The following RABGEF1 variants were observed in gnomAD, a reference collection of about 807,000 sequenced individuals.
RABGEF1 encodes the protein rab5 GDP/GTP exchange factor.
Under a neutral mutation model 57.3 loss-of-function variants are expected in RABGEF1, and 26 were observed. The observed-to-expected ratio is 0.45, with a 90% CI of 0.33 to 0.63. The LOEUF (loss-of-function observed/expected upper bound fraction) is 0.63, where lower values mean the gene tolerates loss of function less well. Among genes scored for constraint, RABGEF1 ranks in the 20% least tolerant of loss-of-function variants. The probability of loss-of-function intolerance (pLI) is 0.02; values close to 1 mark genes in which losing one functional copy is unlikely to be tolerated. For missense variants in RABGEF1, 464 were observed against 607.6 expected (o/e 0.76, Z 2.48); for synonymous variants, 185 against 210.7 (o/e 0.88, Z 1.06).
At chr7:66,715,749 G>GC (rs1247896625) in intron 2 of RABGEF1, among the ~76,000 whole-genome samples, 1 of 151,878 alleles carries the variant, frequency 6.6e-6, no homozygotes, top group Non-Finnish European at 1.5e-5. Context: ...TGTTCTATAT[G>GC]CTTTTTTTTT....
intron 1 of RABGEF1, among the ~76,000 whole-genome samples, chr7:66,686,538 A>G (rs1790665285): frequency 6.6e-6 from 1 of 152,208 alleles, no homozygotes; most frequent in Non-Finnish European, 1.5e-5. Flanking sequence ...CACTTTTATC[A>G]TAGAGCACTG....
intron 4 of RABGEF1, among the ~76,000 whole-genome samples, chr7:66,795,041 G>A (rs1813684584): frequency 6.6e-6 from 1 of 152,214 alleles, no homozygotes; most frequent in African/African-American, 2.4e-5. Flanking sequence ...AAAAACTCCA[G>A]CCAGCCTGCC....
intron 1 of RABGEF1, among the ~76,000 whole-genome samples, chr7:66,682,923 C>T (rs1790005710): frequency 6.6e-6 from 1 of 152,162 alleles, no homozygotes; most frequent in Non-Finnish European, 1.5e-5. Flanking sequence ...GAGGGAAGGA[C>T]TCTGCCGCTT....
At chr7:66,779,861 T>G (rs1809462240) in intron 3 of RABGEF1, among the ~76,000 whole-genome samples, 4 of 152,050 alleles carry the variant, frequency 2.6e-5, no homozygotes, top group African/African-American at 9.7e-5. Context: ...ATAAGTCGCC[T>G]CCTCCCTGCA....
At chr7:66,724,434 A>G (rs1358021240) in intron 2 of RABGEF1, among the ~76,000 whole-genome samples, 1 of 151,788 alleles carries the variant, frequency 6.6e-6, no homozygotes, top group African/African-American at 2.4e-5. Context: ...ATCTCGGCTC[A>G]CTGCACCCAC....
At chr7:66,776,656 T>C (rs1040086760) in intron 3 of RABGEF1, among the ~76,000 whole-genome samples, 7 of 152,008 alleles carry the variant, frequency 4.6e-5, no homozygotes, top group African/African-American at 1.7e-4. Flanking sequence ...AATCGTGCCA[T>C]TGCACTCCAG....
the RABGEF1 span, among the ~76,000 whole-genome samples, chr7:66,675,309 C>T: frequency 6.6e-6 from 1 of 152,026 alleles, no homozygotes; most frequent in Non-Finnish European, 1.5e-5. Flanking sequence ...AGGAGCCTGT[C>T]ATCCCAGCTA....
the RABGEF1 span, among the ~76,000 whole-genome samples, chr7:66,666,830 G>A: frequency 2.6e-5 from 4 of 152,218 alleles, no homozygotes; most frequent in Non-Finnish European, 5.9e-5. Context: ...AGGGCTCCTT[G>A]GAGAGGTCAG....
At chr7:66,758,652 T>C (rs1200498348) in intron 1 of RABGEF1, among the ~76,000 whole-genome samples, 1 of 152,218 alleles carries the variant, frequency 6.6e-6, no homozygotes, top group Admixed American at 6.5e-5. Context: ...CAGGATATGC[T>C]GTCTGTAGCT....
intron 2 of RABGEF1, among the ~76,000 whole-genome samples, chr7:66,715,040 ACTT>A (rs1193056692): frequency 8.8e-5 from 13 of 148,186 alleles, no homozygotes; most frequent in African/African-American, 2.7e-4. Flanking sequence ...CTTCTTCACT[ACTT>A]CTTCTCCTTC....
rs375935909 is a variant in RABGEF1, at chr7:66,691,090, C to CA, written c.-873+8839dup. Among the ~76,000 whole-genome samples the CA allele has an allele frequency of 2.8e-3, 427 of 151,800 alleles. 1 individual carries two copies. Among genetic ancestry groups the CA allele is most frequent in the African/African-American group, 9.9e-3 (409 of 41,392 alleles). On this transcript the variant is annotated intron_variant and NMD_transcript_variant, in intron 1 of 9. Coordinates refer to the RABGEF1 transcript ENST00000607882. ...TGGACGACAAAGCGAGCCTCCATCTCAAAAAAACAAAAAGAAAATGACAAC... is the reference window on the plus strand; with the variant it reads ...TGGACGACAAAGCGAGCCTCCATCTCAAAAAAAACAAAAAGAAAATGACAAC...
rs192505699 is a variant in RABGEF1 at position 66,731,907 on chromosome 7, C to T, written c.-814-8089C>T. ...CTGGGAGGATTCAAGGTTCATCCGA[C>T]GCCCCTGAGATGTGCACAGAAGCCC... On this transcript the variant is annotated intron_variant and NMD_transcript_variant, in intron 2 of 9. Coordinates refer to the RABGEF1 transcript ENST00000607882. 2.6e-5 allele frequency among the ~76,000 whole-genome samples: 4 copies of T among 152,286 alleles called. No homozygotes were observed. In the East Asian group the frequency reaches 5.8e-4, roughly 22 times the overall value.
chr7:66,726,247 T>G (rs1796575205), intron 2 of RABGEF1, among the ~76,000 whole-genome samples: 1 of 152,234 alleles, frequency 6.6e-6, no homozygotes, highest in South Asian at 2.1e-4. Flanking sequence ...TGGGTGGTAG[T>G]GCCTCCAGTT....
intron 1 of RABGEF1, among the ~76,000 whole-genome samples, chr7:66,706,599 C>T (rs1377436674): frequency 4.0e-5 from 6 of 150,766 alleles, no homozygotes; most frequent in African/African-American, 1.5e-4. Flanking sequence ...TTAGTAGAGA[C>T]GGGATTTCAC....
the RABGEF1 span, among the ~76,000 whole-genome samples, chr7:66,670,534 T>G: frequency 6.8e-6 from 1 of 146,884 alleles, no homozygotes; most frequent in Admixed American, 7.2e-5. Flanking sequence ...ATTGCTTCAG[T>G]GATAGATATT....
chr7:66,662,259 G>A, the RABGEF1 span, among the ~76,000 whole-genome samples: 3 of 150,062 alleles, frequency 2.0e-5, no homozygotes, highest in Non-Finnish European at 4.4e-5. Flanking sequence ...AAAAAAAATT[G>A]AGTTCAAGAC....
At chr7:66,774,310 A>G (rs1411646704) in intron 2 of RABGEF1, among the ~76,000 whole-genome samples, 1 of 152,106 alleles carries the variant, frequency 6.6e-6, no homozygotes, top group Non-Finnish European at 1.5e-5. Flanking sequence ...TAGTTTCTCT[A>G]CCCTTCAAGT....
At chr7:66,721,235 T>C (rs547447266) in intron 2 of RABGEF1, among the ~76,000 whole-genome samples, 1 of 152,270 alleles carries the variant, frequency 6.6e-6, no homozygotes, top group Non-Finnish European at 1.5e-5. Context: ...AAGCCATTAA[T>C]AATAGTGTTT....
At chr7:66,754,220 T>C (rs539339688) in intron 1 of RABGEF1, among the ~76,000 whole-genome samples, 105 of 151,816 alleles carry the variant, frequency 6.9e-4, no homozygotes, top group African/African-American at 2.5e-3. Flanking sequence ...GCCAGGACAG[T>C]CTCGATCTCC....
Sources: allele counts gnomAD v4.1 joint callset (sites outside exome capture counted in the v4.1 genomes callset), GRCh38; gene constraint gnomAD v4.1.1; transcripts MANE v1.5; gene names NCBI Gene and HGNC (gene_info 2026-07-23, HGNC 2026-07-21).